The following MIS18A variants were observed in gnomAD, a reference collection of about 807,000 sequenced individuals.
MIS18A encodes MIS18 kinetochore protein A.
In MIS18A, 14 loss-of-function variants were observed where a neutral mutation model predicts 25.0. That is an observed-to-expected ratio of 0.56 (90% CI 0.37 to 0.88). MIS18A has a LOEUF of 0.88. Ranked by LOEUF, MIS18A falls within the 40% of genes least tolerant of loss-of-function variation. The pLI is 0.00. For missense variants in MIS18A, 292 were observed against 290.8 expected, an observed-to-expected ratio of 1.00 and a Z score of -0.03; for synonymous variants, 134 against 118.6, an observed-to-expected ratio of 1.13 and a Z score of -0.84.
downstream of MIS18A, among the ~76,000 whole-genome samples, chr21:32,265,140 G>A (rs1351468945): frequency 2.6e-5 from 4 of 152,158 alleles, no homozygotes; most frequent in Admixed American, 2.0e-4. Flanking sequence ...TGGGACATCC[G>A]CCTCCTGCTG....
chr21:32,260,405 G>A, the MIS18A span: 4 of 142,774 alleles, frequency 2.8e-5, no homozygotes, highest in African/African-American at 5.5e-5. Flanking sequence ...GTGTGAGACA[G>A]AGAGTACACA....
At position 32,276,236 on chromosome 21, in the gene MIS18A, G is replaced by A. The variant is rs926101279; in HGVS notation, c.335-1340C>T. Among the ~76,000 whole-genome samples, 5 of 152,046 alleles carry A rather than the reference G, an allele frequency of 3.3e-5. No homozygotes were observed. In the East Asian group the frequency reaches 5.8e-4, roughly 18 times the overall value. On this transcript the variant is annotated intron_variant, in intron 1 of 4. Coordinates refer to ENST00000290130, the MANE Select transcript of MIS18A (RefSeq NM_018944.3). ...AGCACTTTGGGAGGCCGAGGCAGGCGGATCATGAGGTCAGGAGATCGAGAC... is the reference window on the plus strand; with the variant it reads ...AGCACTTTGGGAGGCCGAGGCAGGCAGATCATGAGGTCAGGAGATCGAGAC...
the MIS18A span, among the ~76,000 whole-genome samples, chr21:32,200,667 T>C: frequency 6.6e-6 from 1 of 152,276 alleles, no homozygotes; most frequent in Non-Finnish European, 1.5e-5. Flanking sequence ...CTCGATCTCC[T>C]GACCTCGTGA....
the MIS18A span, among the ~76,000 whole-genome samples, chr21:32,192,768 C>G: frequency 6.6e-6 from 1 of 152,220 alleles, no homozygotes; most frequent in African/African-American, 2.4e-5. Context: ...AACAACCAAG[C>G]GTGGCTGAAT....
At chr21:32,258,382 T>A in the MIS18A span, among the ~76,000 whole-genome samples, 1 of 152,108 alleles carries the variant, frequency 6.6e-6, no homozygotes, top group Non-Finnish European at 1.5e-5. Flanking sequence ...TTATTTTAAT[T>A]AAGAATGTTG....
chr21:32,272,547 A>T (rs2031732479), intron 2 of MIS18A, among the ~76,000 whole-genome samples: 1 of 152,234 alleles, frequency 6.6e-6, no homozygotes, highest in African/African-American at 2.4e-5. Context: ...ACTGTCTTTG[A>T]CACTTGTCTC....
In MIS18A at chr21:32,268,926, C is replaced by T; in HGVS notation, c.*111G>A. ...CCACCTCAGCGTTTCGCATGCCTGG[C>T]TAATTTTTTTTTTCTTTTTTTTTTT... On this transcript the variant is annotated 3_prime_UTR_variant, in exon 5 of 5. Coordinates refer to ENST00000290130, the MANE Select transcript of MIS18A (RefSeq NM_018944.3). 3.8e-6 allele frequency: 3 copies of T among 783,944 alleles called. No homozygotes were observed. The highest frequency in any genetic ancestry group is 5.8e-6 in the Non-Finnish European group (3 of 515,306). 48.6% of individuals were successfully genotyped at this position (783,944 alleles called of 1,614,324 possible).
the MIS18A span, among the ~76,000 whole-genome samples, chr21:32,178,047 T>C: frequency 6.6e-6 from 1 of 152,040 alleles, no homozygotes; most frequent in African/African-American, 2.4e-5. Flanking sequence ...CCTGAGTAGC[T>C]AGCTGAGATC....
At position 32,268,925 on chromosome 21, in the gene MIS18A, G is replaced by T; in HGVS notation, c.*112C>A. On this transcript the variant is annotated 3_prime_UTR_variant, in exon 5 of 5. Coordinates refer to ENST00000290130, the MANE Select transcript of MIS18A (RefSeq NM_018944.3). ...CCCACCTCAGCGTTTCGCATGCCTG[G>T]CTAATTTTTTTTTTCTTTTTTTTTT... The T allele has an allele frequency of 1.3e-6, 1 of 777,152 alleles. No individual in the cohort carries two copies. The highest frequency in any genetic ancestry group is 2.0e-6 in the Non-Finnish European group (1 of 505,144). 48.1% of individuals were successfully genotyped at this position (777,152 alleles called of 1,614,324 possible).
chr21:32,178,342 T>C, the MIS18A span, among the ~76,000 whole-genome samples: 2 of 152,214 alleles, frequency 1.3e-5, no homozygotes, highest in Non-Finnish European at 2.9e-5. Context: ...ATTGCTGTCG[T>C]TGTCATTTTT....
chr21:32,165,359 A>C, the MIS18A span, among the ~76,000 whole-genome samples: 1 of 152,106 alleles, frequency 6.6e-6, no homozygotes, highest in African/African-American at 2.4e-5. Flanking sequence ...CATTCCACAA[A>C]ATAATCAAAA....
chr21:32,209,069 G>A, the MIS18A span, among the ~76,000 whole-genome samples: 2 of 152,038 alleles, frequency 1.3e-5, no homozygotes, highest in Non-Finnish European at 1.5e-5. Context: ...ATGTAAGGAA[G>A]TCACCTAAAA....
intron 1 of MIS18A, among the ~76,000 whole-genome samples, chr21:32,277,370 A>G (rs2123472701): frequency 6.6e-6 from 1 of 152,398 alleles, no homozygotes. Flanking sequence ...TGTAACATCA[A>G]ACACGTTATT....
chr21:32,253,636 TG>T, the MIS18A span, among the ~76,000 whole-genome samples: 5 of 152,012 alleles, frequency 3.3e-5, no homozygotes, highest in Non-Finnish European at 7.4e-5. Context: ...CTGCCCCCAC[TG>T]CAATCACACA....
At chr21:32,234,774 C>T in the MIS18A span, among the ~76,000 whole-genome samples, 11 of 152,254 alleles carry the variant, frequency 7.2e-5, no homozygotes, top group South Asian at 1.2e-3. Flanking sequence ...TCACTAGAAG[C>T]CCAGCAGATG....
rs778865559 is a variant in MIS18A, at chr21:32,278,838, C to T, written c.177G>A (p.Ala59=). The T allele has an allele frequency of 1.2e-6, 2 of 1,608,488 alleles. No homozygotes were observed. Among genetic ancestry groups the T allele is most frequent in the Non-Finnish European group, 1.7e-6 (2 of 1,178,368 alleles). The change falls in exon 1 of 5, where the codon GCG becomes GCA. Residue 59 remains alanine (A), a synonymous_variant. Transcript: ENST00000290130. ...GCGCCCTCTCCATGTCGGCCACCGA[C>T]GCGTCTTCGCTCATGGAGCTCCACA... is the stretch of plus-strand genomic sequence containing the variant. The part of the protein sequence containing the change: ...ASMWSSMSED[A]SVADMERAQL...
chr21:32,200,832 G>A, the MIS18A span, among the ~76,000 whole-genome samples: 1 of 152,174 alleles, frequency 6.6e-6, no homozygotes, highest in South Asian at 2.1e-4. Context: ...TCAGGTTACT[G>A]TACACTTAGA....
chr21:32,217,547 T>C, the MIS18A span, among the ~76,000 whole-genome samples: 1 of 152,200 alleles, frequency 6.6e-6, no homozygotes, highest in Non-Finnish European at 1.5e-5. Flanking sequence ...TCAGAAAGAA[T>C]AGTTGAAGAA....
chr21:32,236,472 AT>A, the MIS18A span, among the ~76,000 whole-genome samples: 18 of 130 alleles, frequency 0.14, no homozygotes, highest in Admixed American at 0.21. Flanking sequence ...GGTCAAAAAA[AT>A]AAATTCAAAA....
Sources: allele counts gnomAD v4.1 joint callset (sites outside exome capture counted in the v4.1 genomes callset), GRCh38; gene constraint gnomAD v4.1.1; transcripts MANE v1.5; gene names NCBI Gene and HGNC (gene_info 2026-07-23, HGNC 2026-07-21).